Variants in TAF1C observed in about 807,000 individuals in gnomAD.
TAF1C encodes the protein TATA-box binding protein associated factor, RNA polymerase I subunit C.
A neutral mutation model predicts 70.5 loss-of-function variants in TAF1C; 79 were observed. That is an observed-to-expected ratio of 1.12 (90% CI 0.93 to 1.35). The LOEUF (loss-of-function observed/expected upper bound fraction) is 1.35. TAF1C is among the 40% of genes most tolerant of loss of function. TAF1C has a pLI of 0.00. For missense variants in TAF1C, 1,412 were observed against 1,127.8 expected (o/e 1.25, Z -3.61); for synonymous variants, 614 against 491.1 (o/e 1.25, Z -3.31).
At chr16:84,183,921 C>G in intron 2 of TAF1C, 143 bp from the exon 3 acceptor site, 1 of 618,224 alleles carries the variant, frequency 1.6e-6, no homozygotes, top group Non-Finnish European at 2.8e-6. Context: ...TGTCATTTTA[C>G]TGCTGAAGAA....
chr16:84,177,918 A>G lies in TAF1C; in HGVS notation c.*1023T>C. On this transcript the variant is annotated 3_prime_UTR_variant, in exon 15 of 15. Transcript: ENST00000566732. ...AGGCATGATAAACATTTTAACACCCACGCGAGTCAGTGTATGATTGGGCTA... is the reference window on the plus strand; with the variant it reads ...AGGCATGATAAACATTTTAACACCCGCGCGAGTCAGTGTATGATTGGGCTA... 4 of 1,232,796 alleles carry G rather than the reference A, an allele frequency of 3.2e-6. No homozygotes were observed. Among genetic ancestry groups the G allele is most frequent in the Non-Finnish European group, 4.8e-6 (4 of 840,774 alleles). 76.4% of individuals were successfully genotyped at this position (1,232,796 alleles called of 1,614,324 possible).
At chr16:84,180,749 C>A in intron 12 of TAF1C, 1 of 1,265,880 alleles carries the variant, frequency 7.9e-7, no homozygotes, top group Non-Finnish European at 1.0e-6. Flanking sequence ...TCCTGCACAG[C>A]AGAAACTCTC....
At position 84,183,082 on chromosome 16, in the gene TAF1C, G is replaced by A; in HGVS notation, c.476C>T (p.Pro159Leu). 6.2e-7 allele frequency: 1 copy of A among 1,614,036 alleles called. No homozygotes were observed. The highest frequency in any genetic ancestry group is 1.1e-5 in the South Asian group (1 of 91,082). ...TTTCTCATCAGCCACTTGCCCCCAGGGCTGGTGTCCACCGAGGTCCTGGAG... is the reference window on the plus strand; with the variant it reads ...TTTCTCATCAGCCACTTGCCCCCAGAGCTGGTGTCCACCGAGGTCCTGGAG... ...KLLQDLGGHQ[P>L]WGCPWAYLSN... is the part of the protein sequence containing the mutation. Residue 159 changes from proline to leucine, a missense_variant, in exon 6 of 15, where the codon CCC (proline) becomes CTC (leucine). Transcript: ENST00000566732.
At chr16:84,179,918 C>T in intron 14 of TAF1C, 28 bp downstream of exon 14, 1 of 1,600,870 alleles carries the variant, frequency 6.2e-7, no homozygotes, top group Non-Finnish European at 8.5e-7. Context: ...CACTGCGCCC[C>T]CCAAGCTCAC....
Position 84,180,275 on chromosome 16 carries a change from A to T in TAF1C, c.1378T>A (p.Ser460Thr), listed in dbSNP as rs926803230. 2 of 1,549,228 alleles carry T rather than the reference A, an allele frequency of 1.3e-6. No individual in the cohort carries two copies. Among genetic ancestry groups the T allele is most frequent in the Non-Finnish European group, 1.7e-6 (2 of 1,148,294 alleles). ...PMLKWNHGLPSPLLLARLLPP... is the reference protein window; with the variant it reads ...PMLKWNHGLPTPLLLARLLPP... ...AGCAGTCGGGCCAGCAGGAGCGGGG[A>T]GGGGAGGCCATGGTTCCACTTCAGC... The change falls in exon 13 of 15, where the codon TCC becomes ACC. Residue 460 changes from serine (S) to threonine (T), a missense_variant. By Grantham distance (58) the Ser-to-Thr change is moderately conservative. Coordinates refer to ENST00000566732, the MANE Select transcript of TAF1C (RefSeq NM_001243156.2).
At chr16:84,181,910 G>C (rs1483290701) in intron 8 of TAF1C, 32 bp downstream of exon 8, 2 of 1,614,040 alleles carry the variant, frequency 1.2e-6, no homozygotes, top group Non-Finnish European at 1.7e-6. Context: ...AGGTCAGCCA[G>C]TGAGGGAGGA....
rs1459211546 is a variant in TAF1C at position 84,182,066 on chromosome 16, TCTCA to T, written c.722-12_722-9del. ...GAACGACCTCTTGGAAATCTGGGCC[TCTCA>T]CTAAGGATCAGTGCACGAGCTATGA... is the stretch of plus-strand genomic sequence containing the variant. On this transcript the variant is annotated splice_polypyrimidine_tract_variant and intron_variant, in intron 7 of 14. Coordinates refer to ENST00000566732, the MANE Select transcript of TAF1C (RefSeq NM_001243156.2). This position sits in a 1 kb window ranked among gnomAD's most constrained non-coding sequence, Gnocchi z 5.0. 2 of 1,612,552 alleles carry T rather than the reference TCTCA, an allele frequency of 1.2e-6. No individual in the cohort carries two copies. Among genetic ancestry groups the T allele is most frequent in the Admixed American group, 3.3e-5 (2 of 59,948 alleles).
chr16:84,186,420 GGTGTACACCT>G (rs1156991684), intron 1 of TAF1C, among the ~76,000 whole-genome samples: 2 of 152,168 alleles, frequency 1.3e-5, no homozygotes, highest in African/African-American at 4.8e-5. Context: ...CGGGCGTGGT[GGTGTACACCT>G]GTAATCGCAA....
In TAF1C at chr16:84,179,947, T is replaced by C. The variant is rs1211784141; in HGVS notation, c.1620A>G (p.Ile540Met). ...RLQERLKAPT[I>M]GLAAVVPPLP... The stretch of plus-strand genomic sequence containing the variant: ...AGCTCACTCCCCCACCCAGCACACC[T>C]ATGGTCGGTGCTTTCAGGCGCTCCT... Residue 540 changes from isoleucine to methionine, a missense_variant and splice_region_variant, in exon 14 of 15, where the codon ATA becomes ATG. By Grantham distance (10) the Ile-to-Met change is conservative. Coordinates refer to ENST00000566732, the MANE Select transcript of TAF1C (RefSeq NM_001243156.2). 6.2e-7 allele frequency: 1 copy of C among 1,612,150 alleles called. No individual in the cohort carries two copies. Among genetic ancestry groups the C allele is most frequent in the South Asian group, 1.1e-5 (1 of 91,046 alleles).
In TAF1C at chr16:84,178,057, A is replaced by G. The variant is rs1231774031; in HGVS notation, c.*884T>C. ...AGACCCGGGTCCCTGCAAAATCTCA[A>G]GTGAGCATTTTCCCCACAGGAAAAC... On this transcript the variant is annotated 3_prime_UTR_variant, in exon 15 of 15. Coordinates refer to ENST00000566732, the MANE Select transcript of TAF1C (RefSeq NM_001243156.2). 1.8e-6 allele frequency: 1 copy of G among 540,734 alleles called. No homozygotes were observed. Among genetic ancestry groups the G allele is most frequent in the African/African-American group, 1.9e-5 (1 of 52,576 alleles). The allele number at this position is 540,734 out of a possible 1,614,324, so 33.5% of individuals were successfully genotyped here. A position where few individuals can be genotyped will look rare whatever the true frequency, so the allele number is the denominator to read the frequency against.
At position 84,184,760 on chromosome 16, in the gene TAF1C, T is replaced by C. The variant is rs974258769; in HGVS notation, c.138+91A>G. ...CAGACTCGTGTGAATGCCACCACTC[T>C]GTGGCCTTGTCAACTGATGTGAATG... On this transcript the variant is annotated intron_variant, in intron 2 of 14. Coordinates refer to ENST00000566732, the MANE Select transcript of TAF1C (RefSeq NM_001243156.2). 8.2e-6 allele frequency: 12 copies of C among 1,460,882 alleles called. No homozygotes were observed. The African/African-American group carries it at 1.5e-4, about 19-fold the overall frequency. The allele number at this position is 1,460,882 out of a possible 1,614,324, so 90.5% of individuals were successfully genotyped here.
At chr16:84,185,746 C>G (rs557970168) in intron 1 of TAF1C, among the ~76,000 whole-genome samples, 2 of 152,082 alleles carry the variant, frequency 1.3e-5, no homozygotes, top group Non-Finnish European at 2.9e-5. Context: ...ACTAAAAATA[C>G]AAAATTAGCC....
chr16:84,178,546 C>T lies in TAF1C; in HGVS notation c.*395G>A, dbSNP rs2088877937. ...AGCTCTGCAGGGGCCTCACTCCACC[C>T]TCACCAAACACGAGGAGCCAGCACT... On this transcript the variant is annotated 3_prime_UTR_variant, in exon 15 of 15. Transcript: ENST00000566732. 4.5e-6 allele frequency: 2 copies of T among 448,174 alleles called. No individual in the cohort carries two copies. The highest frequency in any genetic ancestry group is 1.6e-5 in the South Asian group (1 of 61,698). 27.8% of individuals were successfully genotyped at this position (448,174 alleles called of 1,614,324 possible).
rs1245895998 is a variant in TAF1C, at chr16:84,179,681, G to C, written c.1792C>G (p.Pro598Ala). The C allele has an allele frequency of 6.2e-7, 1 of 1,612,674 alleles. No homozygotes were observed. The highest frequency in any genetic ancestry group is 8.5e-7 in the Non-Finnish European group (1 of 1,179,964). Residue 598 changes from proline to alanine, a missense_variant, in exon 15 of 15, where the codon CCC (proline) becomes GCC (alanine). Transcript: ENST00000566732. The stretch of plus-strand genomic sequence containing the variant: ...TCCTGGGAGGTCCAGGAAGCTGTGG[G>C]GGCATGGCAGTCAGGTTGGGTGTCG... ...PGDTQPDCHA[P>A]TASWTSQDTA... is the part of the protein sequence containing the mutation.
intron 2 of TAF1C, among the ~76,000 whole-genome samples, chr16:84,184,262 C>T (rs2089364139): frequency 6.6e-6 from 1 of 152,166 alleles, no homozygotes; most frequent in African/African-American, 2.4e-5. Context: ...GACGCCAGAC[C>T]CTCCCTCGTA....
In TAF1C at chr16:84,185,045, A is replaced by T. The variant is rs2089408355; in HGVS notation, c.-57T>A. The T allele has an allele frequency of 1.9e-6, 3 of 1,578,974 alleles. No homozygotes were observed. In the South Asian group the frequency reaches 3.5e-5, roughly 18 times the overall value. Reference sequence around the variant, plus strand: ...CACCTCGAGAGACTGGAAGCTGGTAAGGGGCGCCAGAGTTCCTGAGGAGTG... The same window carrying T: ...CACCTCGAGAGACTGGAAGCTGGTATGGGGCGCCAGAGTTCCTGAGGAGTG... On this transcript the variant is annotated 5_prime_UTR_variant, in exon 2 of 15. Coordinates refer to ENST00000566732, the MANE Select transcript of TAF1C (RefSeq NM_001243156.2).
intron 12 of TAF1C, chr16:84,180,656 C>G (rs1017240): frequency 0.011 from 7,936 of 694,496 alleles, 73 homozygotes; most frequent in South Asian, 0.029. Context: ...TCTCCTGACC[C>G]GGGAGCCTGT....
rs768460198 is a variant in TAF1C at position 84,182,100 on chromosome 16, T to G, written c.722-42A>C. ...GGATCAGTGCACGAGCTATGATCAC[T>G]GCAAGCCCCCCAAATTCCTGCCCTT... On this transcript the variant is annotated intron_variant, in intron 7 of 14. Coordinates refer to ENST00000566732, the MANE Select transcript of TAF1C (RefSeq NM_001243156.2). The surrounding 1 kb of genome is among the most constrained non-coding windows in gnomAD (Gnocchi z 5.0). 2 of 1,599,298 alleles carry G rather than the reference T, an allele frequency of 1.3e-6. No individual in the cohort carries two copies. The highest frequency in any genetic ancestry group is 1.7e-6 in the Non-Finnish European group (2 of 1,171,498).
Position 84,181,764 on chromosome 16 carries a change from G to T in TAF1C, c.938C>A (p.Ala313Asp). ...LLQAMQVEKGATGISLSPHLP... is the reference protein window; with the variant it reads ...LLQAMQVEKGDTGISLSPHLP... Reference sequence around the variant, plus strand: ...CCCTCACCTGAGGCTGATCCCCGTGGCCCCTTTCTCCACCTGCATTGCCTG... The same window carrying T: ...CCCTCACCTGAGGCTGATCCCCGTGTCCCCTTTCTCCACCTGCATTGCCTG... Residue 313 changes from alanine (A) to aspartate (D), a missense_variant, in exon 9 of 15, where the codon GCC (alanine) becomes GAC (aspartate). Ala to Asp is a moderately radical substitution (Grantham distance 126). Coordinates refer to ENST00000566732, the MANE Select transcript of TAF1C (RefSeq NM_001243156.2). The T allele has an allele frequency of 1.2e-6, 2 of 1,614,046 alleles. No homozygotes were observed. Among genetic ancestry groups the T allele is most frequent in the Non-Finnish European group, 1.7e-6 (2 of 1,179,966 alleles).
Sources: allele counts gnomAD v4.1 joint callset (sites outside exome capture counted in the v4.1 genomes callset), GRCh38; gene constraint gnomAD v4.1.1; non-coding constraint Gnocchi (gnomAD v3.1); transcripts MANE v1.5; gene names NCBI Gene and HGNC (gene_info 2026-07-23, HGNC 2026-07-21).